NUP214: variants seen among roughly 807,000 people sequenced by gnomAD.
NUP214 encodes the protein nuclear pore complex protein Nup214.
NUP214 carries 79 observed loss-of-function variants against 196.2 expected under a neutral mutation model. The ratio of observed to expected loss-of-function variants is 0.40; its 90% CI spans 0.34 to 0.49. The LOEUF is 0.49. NUP214 is among the 20% of genes least tolerant of loss of function. The probability of loss-of-function intolerance (pLI) is 0.58; values close to 1 mark genes in which losing one functional copy is unlikely to be tolerated. For missense variants in NUP214, 2,468 were observed against 2,539.0 expected (o/e 0.97, Z 0.60); for synonymous variants, 1,020 against 990.5 (o/e 1.03, Z -0.56).
chr9:131,147,961 C>T (rs1310043375), intron 14 of NUP214, among the ~76,000 whole-genome samples: 5 of 152,168 alleles, frequency 3.3e-5, no homozygotes, highest in African/African-American at 7.2e-5. Context: ...CCAAGGCGGG[C>T]GGATCACCTG....
At chr9:131,195,813 G>C (rs565906545) in intron 28 of NUP214, among the ~76,000 whole-genome samples, 1 of 152,186 alleles carries the variant, frequency 6.6e-6, no homozygotes, top group East Asian at 1.9e-4. Flanking sequence ...ATCACCTGAG[G>C]TCAGGAGTTC....
At chr9:131,130,161 T>TTG (rs1554728091) in intron 4 of NUP214, among the ~76,000 whole-genome samples, 3,055 of 136,088 alleles carry the variant, frequency 0.022, 88 homozygotes, top group Non-Finnish European at 0.036. Flanking sequence ...GTTTTTTTTT[T>TTG]GAGACAGAGT....
chr9:131,139,562 G>A (rs1003715446), intron 10 of NUP214, among the ~76,000 whole-genome samples, 155 bp downstream of exon 10: 11 of 152,178 alleles, frequency 7.2e-5, no homozygotes, highest in South Asian at 2.1e-4. Context: ...AACAGGCTGC[G>A]TTGTGACAAC....
chr9:131,156,273 C>G (rs554766193), intron 17 of NUP214, among the ~76,000 whole-genome samples: 1 of 151,874 alleles, frequency 6.6e-6, no homozygotes, highest in Non-Finnish European at 1.5e-5. Context: ...GCTGGAACTA[C>G]AGGCGCCTGC....
chr9:131,179,838 A>G (rs1453830145), intron 24 of NUP214, among the ~76,000 whole-genome samples: 2 of 152,214 alleles, frequency 1.3e-5, no homozygotes, highest in East Asian at 1.9e-4. Context: ...TGTTTAGACC[A>G]AGATGGTATT....
rs971136278 is a variant in NUP214 at position 131,233,629 on chromosome 9, A to G, written c.*142A>G. ...AAAGAAACAACAGAAACCAAAACTC[A>G]CAAGGCGCATGATTACTTGTTTTAT... On this transcript the variant is annotated 3_prime_UTR_variant, in exon 36 of 36. Coordinates refer to ENST00000359428, the MANE Select transcript of NUP214 (RefSeq NM_005085.4). 7 of 846,596 alleles carry G rather than the reference A, an allele frequency of 8.3e-6. No individual in the cohort carries two copies. The highest frequency in any genetic ancestry group is 6.0e-5 in the Admixed American group (3 of 49,958). The allele number at this position is 846,596 out of a possible 1,614,324, so 52.4% of individuals were successfully genotyped here.
chr9:131,197,826 A>G lies in NUP214; in HGVS notation c.4332A>G (p.Gln1444=). 1 of 1,613,692 alleles carries G rather than the reference A, an allele frequency of 6.2e-7. No individual in the cohort carries two copies. The highest frequency in any genetic ancestry group is 8.5e-7 in the Non-Finnish European group (1 of 1,180,024). The change falls in exon 29 of 36, where the codon CAA becomes CAG. Residue 1444 remains glutamine, a synonymous_variant. Coordinates refer to ENST00000359428, the MANE Select transcript of NUP214 (RefSeq NM_005085.4). Reference sequence around the variant, plus strand: ...AGACTAGTTTTTCATTTGGAAGCCAACAGACCAATAGCACAGTGCCCCCAT... The same window carrying G: ...AGACTAGTTTTTCATTTGGAAGCCAGCAGACCAATAGCACAGTGCCCCCAT... ...AGKTSFSFGS[Q]QTNSTVPPSA...
chr9:131,227,738 G>A (rs1237981752), intron 32 of NUP214, among the ~76,000 whole-genome samples: 1 of 152,110 alleles, frequency 6.6e-6, no homozygotes, highest in Non-Finnish European at 1.5e-5. Context: ...TCTTTTGTCA[G>A]CTAGGTAGGG....
chr9:131,183,746 C>G (rs961827054), intron 24 of NUP214, among the ~76,000 whole-genome samples: 9 of 151,944 alleles, frequency 5.9e-5, no homozygotes, highest in African/African-American at 1.9e-4. Context: ...TTTTGTTTTT[C>G]TAATTACAAA....
At chr9:131,174,421 G>T in intron 22 of NUP214, 103 bp downstream of exon 22, 3 of 1,060,780 alleles carry the variant, frequency 2.8e-6, no homozygotes, top group South Asian at 3.7e-5. Context: ...ATGGTGGTTG[G>T]CTCCAGCCCA....
intron 23 of NUP214, 133 bp from the exon 24 acceptor site, chr9:131,178,178 G>T (rs537323743): frequency 1.1e-5 from 7 of 659,682 alleles, no homozygotes; most frequent in Non-Finnish European, 1.9e-5. Flanking sequence ...GAACTACCTA[G>T]AGTAGATTTC....
At chr9:131,157,820 AT>A (rs1035230481) in intron 17 of NUP214, among the ~76,000 whole-genome samples, 53 of 151,650 alleles carry the variant, frequency 3.5e-4, no homozygotes, top group African/African-American at 1.3e-3. Flanking sequence ...TAATTCTTGT[AT>A]TTTTAGTAGA....
At chr9:131,193,075 G>A (rs750058689) in intron 27 of NUP214, among the ~76,000 whole-genome samples, 20 of 151,278 alleles carry the variant, frequency 1.3e-4, no homozygotes, top group Non-Finnish European at 2.2e-4. Flanking sequence ...ATCTGTTTCC[G>A]TTTCTTTAAA....
At chr9:131,127,337 C>A (rs181265787) in intron 1 of NUP214, among the ~76,000 whole-genome samples, 187 bp from the exon 2 acceptor site, 2 of 152,010 alleles carry the variant, frequency 1.3e-5, no homozygotes, top group African/African-American at 2.4e-5. Context: ...GAGCCAAGAT[C>A]GCTGCACTGC....
chr9:131,190,281 A>G (rs2131028775), intron 26 of NUP214: 1 of 531,376 alleles, frequency 1.9e-6, no homozygotes, highest in Non-Finnish European at 3.3e-6. Context: ...GAAAGATCAT[A>G]TACTCTTTTT....
chr9:131,217,753 A>G (rs1185563326), intron 31 of NUP214, among the ~76,000 whole-genome samples: 2 of 152,208 alleles, frequency 1.3e-5, no homozygotes, highest in Non-Finnish European at 2.9e-5. Flanking sequence ...TTACTGGCCA[A>G]TTTTGTTAAA....
rs147116682 is a variant in NUP214 at position 131,189,668 on chromosome 9, C to G, written c.3574+537C>G. Among the ~76,000 whole-genome samples, 358 of 152,294 alleles carry G rather than the reference C, an allele frequency of 2.4e-3. 4 individuals are homozygous for G. Among genetic ancestry groups the G allele is most frequent in the African/African-American group, 8.3e-3 (344 of 41,548 alleles). On this transcript the variant is annotated intron_variant, in intron 26 of 35. Coordinates refer to ENST00000359428, the MANE Select transcript of NUP214 (RefSeq NM_005085.4). ...TCACGTAACTTCTCCTACACTCACT[C>G]AAGCATAATTATTCTTAATTTAGTT...
intron 31 of NUP214, among the ~76,000 whole-genome samples, chr9:131,216,522 A>AG (rs1834402713): frequency 9.4e-6 from 1 of 106,434 alleles, no homozygotes; most frequent in East Asian, 2.8e-4. Flanking sequence ...CACCACGCCC[A>AG]GGCTTTTTTT....
chr9:131,184,806 A>G (rs1833404223), intron 24 of NUP214, among the ~76,000 whole-genome samples: 1 of 152,234 alleles, frequency 6.6e-6, no homozygotes, highest in Non-Finnish European at 1.5e-5. Context: ...TTACCAATGG[A>G]GAAAATAGTT....
Sources: gnomAD v4.1 joint callset for allele counts (sites outside exome capture counted in the v4.1 genomes callset) on GRCh38, gnomAD v4.1.1 for gene constraint, MANE v1.5 for transcripts, NCBI Gene and HGNC (gene_info 2026-07-23, HGNC 2026-07-21) for gene names.